Variants in FLNC observed in about 807,000 individuals in gnomAD.
The protein encoded by FLNC is filamin-C.
Under a neutral mutation model 254.3 loss-of-function variants are expected in FLNC, and 91 were observed. That is an observed-to-expected ratio of 0.36 (90% CI 0.30 to 0.43). FLNC has a LOEUF of 0.43. Among genes scored for constraint, FLNC ranks in the 20% least tolerant of loss-of-function variants. The pLI is 1.00. For synonymous variants in FLNC, 1,430 were observed against 1,577.2 expected (o/e 0.91, Z 2.21); for missense variants, 2,853 against 3,802.6 (o/e 0.75, Z 6.57).
In FLNC at chr7:128,857,200, G is replaced by A. The variant is rs1249860446; in HGVS notation, c.7644G>A (p.Val2548=). 20 of 1,614,146 alleles carry A rather than the reference G, an allele frequency of 1.2e-5. No individual in the cohort carries two copies. Among genetic ancestry groups the A allele is most frequent in the Non-Finnish European group, 1.5e-5 (18 of 1,180,008 alleles). The part of the protein sequence containing the change: ...LSVTIDGPSK[V]QLDCRECPEG... The stretch of plus-strand genomic sequence containing the variant: ...TCACCATTGATGGCCCCTCCAAGGT[G>A]CAGCTGGACTGTCGGGAGTGTCCTG... The change falls in exon 46 of 48, where the codon GTG becomes GTA. Residue 2548 remains valine, a synonymous_variant. Coordinates refer to ENST00000325888, the MANE Select transcript of FLNC (RefSeq NM_001458.5). The surrounding 1 kb of genome is among the most constrained non-coding windows in gnomAD (Gnocchi z 4.5).
At chr7:128,833,623 C>A (rs1254524007) in intron 1 of FLNC, among the ~76,000 whole-genome samples, 1 of 152,316 alleles carries the variant, frequency 6.6e-6, no homozygotes, top group South Asian at 2.1e-4. Flanking sequence ...CACACCGCCC[C>A]CCCCAACCCC....
Position 128,853,461 on chromosome 7 carries a change from TC to T in FLNC, c.6209-3del. 1 of 1,613,740 alleles carries T rather than the reference TC, an allele frequency of 6.2e-7. No homozygotes were observed. The highest frequency in any genetic ancestry group is 8.5e-7 in the Non-Finnish European group (1 of 1,179,974). On this transcript the variant is annotated splice_region_variant and splice_polypyrimidine_tract_variant and intron_variant, in intron 37 of 47. Transcript: ENST00000325888. ...ACTGAGGGAGATGTGTTCCTTGCTT[TC>T]CCCCAGGTTATGGGGGCTTGGGGCT... is the stretch of plus-strand genomic sequence containing the variant.
Position 128,859,259 on chromosome 7 carries a change from G to A in FLNC, c.*736G>A, listed in dbSNP as rs1019954959. 6.5e-6 allele frequency: 1 copy of A among 152,744 alleles called. No individual in the cohort carries two copies. Among genetic ancestry groups the A allele is most frequent in the African/African-American group, 2.4e-5 (1 of 41,436 alleles). The allele number at this position is 152,744 out of a possible 1,614,324, so 9.5% of individuals were successfully genotyped here. Reference sequence around the variant, plus strand: ...GCTTAGGTGGAAAACTCCAAATAAAGTGCGGCTGTCGCAGAGGGTTGGCTG... The same window carrying A: ...GCTTAGGTGGAAAACTCCAAATAAAATGCGGCTGTCGCAGAGGGTTGGCTG... On this transcript the variant is annotated 3_prime_UTR_variant, in exon 48 of 48. Transcript: ENST00000325888.
At position 128,842,625 on chromosome 7, in the gene FLNC, C is replaced by A. The variant is rs377595203; in HGVS notation, c.2316C>A (p.Pro772=). The change falls in exon 15 of 48, where the codon CCC becomes CCA. Residue 772 remains proline (P), a synonymous_variant. Coordinates refer to ENST00000325888, the MANE Select transcript of FLNC (RefSeq NM_001458.5). The surrounding 1 kb of genome is among the most constrained non-coding windows in gnomAD (Gnocchi z 5.4). ...SHPERVKVYG[P]GVEKTGLKAN... is the part of the protein sequence containing the mutation. ...CCGAGCGGGTAAAGGTGTACGGCCC[C>A]GGAGTGGAGAAGACAGGCCTCAAGG... 5 of 1,550,108 alleles carry A rather than the reference C, an allele frequency of 3.2e-6. No individual in the cohort carries two copies. Among genetic ancestry groups the A allele is most frequent in the Non-Finnish European group, 4.4e-6 (5 of 1,147,014 alleles).
intron 31 of FLNC, 33 bp from the exon 32 acceptor site, chr7:128,850,351 C>G: frequency 6.4e-7 from 1 of 1,555,314 alleles, no homozygotes; most frequent in Non-Finnish European, 8.9e-7. Context: ...GGGCCTTCCC[C>G]AGTCACTGAC....
At position 128,838,217 on chromosome 7, in the gene FLNC, T is replaced by C. The variant is rs759002894; in HGVS notation, c.1048-50T>C. 4 of 1,594,476 alleles carry C rather than the reference T, an allele frequency of 2.5e-6. No individual in the cohort carries two copies. In the African/African-American group the frequency reaches 4.0e-5, roughly 16 times the overall value. On this transcript the variant is annotated intron_variant, in intron 6 of 47. Coordinates refer to ENST00000325888, the MANE Select transcript of FLNC (RefSeq NM_001458.5). ...GGCCTGGCTGTGCCCCTCTGCCCCC[T>C]CTCAGGACTGCTCTCCCCTAGAAGC...
chr7:128,853,303 C>T, intron 37 of FLNC, 166 bp from the exon 38 acceptor site: 1 of 840,922 alleles, frequency 1.2e-6, no homozygotes, highest in South Asian at 1.6e-5. Flanking sequence ...ATTTTCCAGA[C>T]CGCCTGTCCC....
Position 128,845,186 on chromosome 7 carries a change from C to G in FLNC, c.3721C>G (p.Arg1241Gly). 1 of 1,613,964 alleles carries G rather than the reference C, an allele frequency of 6.2e-7. No individual in the cohort carries two copies. The highest frequency in any genetic ancestry group is 8.5e-7 in the Non-Finnish European group (1 of 1,180,046). ...GGHPVPKFPT[R>G]VHVQPAVDTS... ...GCATCCCGTGCCCAAATTCCCCACC[C>G]GTGTCCATGTGCAGCCTGCGGTCGA... Residue 1241 changes from arginine (R) to glycine (G), a missense_variant, in exon 21 of 48, where the codon CGT becomes GGT. This residue lies in a region of FLNC where 1,573 missense variants were observed against 1,883.5 expected (regional missense o/e 0.84). Coordinates refer to ENST00000325888, the MANE Select transcript of FLNC (RefSeq NM_001458.5).
chr7:128,840,510 G>C (rs775198934), intron 9 of FLNC, 38 bp from the exon 10 acceptor site: 1 of 1,613,890 alleles, frequency 6.2e-7, no homozygotes, highest in Non-Finnish European at 8.5e-7. Context: ...CAAGGATATT[G>C]ATCTGCCTTC....
At chr7:128,846,980 C>T in intron 24 of FLNC, 75 bp downstream of exon 24, 2 of 1,568,394 alleles carry the variant, frequency 1.3e-6, no homozygotes, top group Non-Finnish European at 1.8e-6. Flanking sequence ...AAGGGGGAAA[C>T]TGGAAGGAAG....
At position 128,856,647 on chromosome 7, in the gene FLNC, A is replaced by G. The variant is rs1472999541; in HGVS notation, c.7381A>G (p.Ser2461Gly). 6.2e-7 allele frequency: 1 copy of G among 1,613,100 alleles called. No individual in the cohort carries two copies. The highest frequency in any genetic ancestry group is 8.5e-7 in the Non-Finnish European group (1 of 1,180,018). Residue 2461 changes from serine (S) to glycine (G), a missense_variant, in exon 44 of 48, where the codon AGT becomes GGT. Physicochemically the swap from Ser to Gly is moderately conservative, Grantham distance 56. Coordinates refer to ENST00000325888, the MANE Select transcript of FLNC (RefSeq NM_001458.5). The surrounding 1 kb of genome is among the most constrained non-coding windows in gnomAD (Gnocchi z 5.9). ...GGAGTGCTACGTCTCTGAGCTGGAC[A>G]GTGGTGAGCTGGCCCTGCCCCTGCC... is the stretch of plus-strand genomic sequence containing the variant. ...VEECYVSELD[S>G]DKHTIRFIPH...
chr7:128,846,927 G>A (rs1808592771), intron 24 of FLNC, 22 bp downstream of exon 24: 1 of 1,614,046 alleles, frequency 6.2e-7, no homozygotes, highest in African/African-American at 1.3e-5. Flanking sequence ...GAGTGGTCGG[G>A]GTCTCAGGGA....
rs771265415 is a variant in FLNC at position 128,847,984 on chromosome 7, G to T, written c.4496G>T (p.Gly1499Val). Reference sequence around the variant, plus strand: ...GTGGAGGTGCGGGACAATGGAGATGGCACCCACACTGTCCACTACACCCCA... The same window carrying T: ...GTGGAGGTGCGGGACAATGGAGATGTCACCCACACTGTCCACTACACCCCA... Reference protein sequence around the residue: ...EPVEVRDNGDGTHTVHYTPAT... With the variant: ...EPVEVRDNGDVTHTVHYTPAT... The change falls in exon 26 of 48, where the codon GGC (glycine) becomes GTC (valine). Residue 1499 changes from glycine (G) to valine (V), a missense_variant. Physicochemically the swap from Gly to Val is moderately radical, Grantham distance 109 (BLOSUM62 -3). Coordinates refer to ENST00000325888, the MANE Select transcript of FLNC (RefSeq NM_001458.5). 1.2e-6 allele frequency: 2 copies of T among 1,611,622 alleles called. No homozygotes were observed. Among genetic ancestry groups the T allele is most frequent in the Admixed American group, 3.4e-5 (2 of 59,650 alleles).
In FLNC at chr7:128,843,040, G is replaced by A. The variant is rs889121044; in HGVS notation, c.2550+86G>A. ...AGATGCTGTCACTGGGAACAGGGAGGGATGATTCCGCAGACATGGTGGAGC... is the reference window on the plus strand; with the variant it reads ...AGATGCTGTCACTGGGAACAGGGAGAGATGATTCCGCAGACATGGTGGAGC... On this transcript the variant is annotated intron_variant, in intron 16 of 47. Coordinates refer to ENST00000325888, the MANE Select transcript of FLNC (RefSeq NM_001458.5). 3.3e-6 allele frequency: 5 copies of A among 1,524,842 alleles called. No individual in the cohort carries two copies. In the East Asian group the frequency reaches 1.2e-4, roughly 35 times the overall value. 94.5% of individuals were successfully genotyped at this position (1,524,842 alleles called of 1,614,324 possible). A position where few individuals can be genotyped will look rare whatever the true frequency, so the allele number is the denominator to read the frequency against.
chr7:128,858,606 C>T lies in FLNC; in HGVS notation c.*83C>T. ...ACACACACACACACACACAAATGTGCCACACCCAGACACGCACAGAATCAG... is the reference window on the plus strand; with the variant it reads ...ACACACACACACACACACAAATGTGTCACACCCAGACACGCACAGAATCAG... On this transcript the variant is annotated 3_prime_UTR_variant, in exon 48 of 48. Coordinates refer to ENST00000325888, the MANE Select transcript of FLNC (RefSeq NM_001458.5). The surrounding 1 kb of genome is among the most constrained non-coding windows in gnomAD (Gnocchi z 6.7). 6 of 1,028,694 alleles carry T rather than the reference C, an allele frequency of 5.8e-6. No homozygotes were observed. The highest frequency in any genetic ancestry group is 9.0e-6 in the Non-Finnish European group (6 of 665,302). The allele number at this position is 1,028,694 out of a possible 1,614,324, so 63.7% of individuals were successfully genotyped here.
At chr7:128,844,324 G>T in intron 20 of FLNC, 58 bp downstream of exon 20, 2 of 1,540,770 alleles carry the variant, frequency 1.3e-6, no homozygotes, top group South Asian at 1.3e-5. Context: ...GAAGATAGAT[G>T]AGTCATAGGG....
At position 128,844,191 on chromosome 7, in the gene FLNC, T is replaced by C. The variant is rs1808458922; in HGVS notation, c.3117T>C (p.Asp1039=). The change falls in exon 20 of 48, where the codon GAT becomes GAC. Residue 1039 remains aspartate, a synonymous_variant. Coordinates refer to ENST00000325888, the MANE Select transcript of FLNC (RefSeq NM_001458.5). ...MPPEEGPYKV[D]ITYDGHPVPG... The stretch of plus-strand genomic sequence containing the variant: ...CGGAGGAGGGGCCCTACAAGGTGGA[T>C]ATCACCTACGATGGTCACCCGGTGC... The C allele has an allele frequency of 1.2e-6, 2 of 1,613,694 alleles. No individual in the cohort carries two copies. The highest frequency in any genetic ancestry group is 1.7e-6 in the Non-Finnish European group (2 of 1,179,868).
At chr7:128,849,631 C>A (rs1443070380) in intron 30 of FLNC, 53 bp downstream of exon 30, 4 of 1,598,464 alleles carry the variant, frequency 2.5e-6, no homozygotes, top group Non-Finnish European at 3.4e-6. Context: ...GGGCCTGGCC[C>A]TTTTAGCAGC....
At chr7:128,854,941 G>A in intron 42 of FLNC, 29 bp downstream of exon 42, 1 of 1,612,484 alleles carries the variant, frequency 6.2e-7, no homozygotes, top group East Asian at 2.2e-5. Context: ...AGTGGGGCTG[G>A]GCCTGCCTGA....
Sources: gnomAD v4.1 joint callset for allele counts (sites outside exome capture counted in the v4.1 genomes callset) on GRCh38, gnomAD v4.1.1 for gene constraint, gnomAD v4.1.1 regional missense constraint, Gnocchi (gnomAD v3.1) non-coding constraint, MANE v1.5 for transcripts, NCBI Gene and HGNC (gene_info 2026-07-23, HGNC 2026-07-21) for gene names.